The following FTCDNL1 variants were observed in gnomAD, a reference collection of about 807,000 sequenced individuals.
FTCDNL1 encodes formiminotransferase N-terminal subdomain-containing protein.
In FTCDNL1, 11 loss-of-function variants were observed where a neutral mutation model predicts 5.9. The observed-to-expected ratio is 1.87, with a 90% confidence interval of 1.18 to 3.10. The LOEUF (loss-of-function observed/expected upper bound fraction) is 3.10. Among genes scored for constraint, FTCDNL1 ranks in the 30% most tolerant of loss-of-function variants. FTCDNL1 has a pLI of 0.00. For synonymous variants in FTCDNL1, 58 were observed against 24.8 expected (o/e 2.34, Z -3.99); for missense variants, 115 against 65.5 (o/e 1.76, Z -2.61).
At chr2:199,703,225 T>G in the FTCDNL1 span, among the ~76,000 whole-genome samples, 4 of 150,846 alleles carry the variant, frequency 2.7e-5, no homozygotes, top group African/African-American at 9.8e-5. Flanking sequence ...CCCACAACAG[T>G]CCCCAGAGTG....
chr2:199,828,072 T>C (rs1349622588), intron 3 of FTCDNL1, among the ~76,000 whole-genome samples: 1 of 152,162 alleles, frequency 6.6e-6, no homozygotes, highest in Admixed American at 6.5e-5. Flanking sequence ...GGAAATAACA[T>C]TTGTGTTTCT....
chr2:199,806,884 T>C (rs569093202), downstream of FTCDNL1, among the ~76,000 whole-genome samples: 2 of 152,326 alleles, frequency 1.3e-5, no homozygotes, highest in African/African-American at 4.8e-5. Flanking sequence ...AAGGGGCTGA[T>C]AGAAAGTAAA....
chr2:199,686,065 G>A, the FTCDNL1 span, among the ~76,000 whole-genome samples: 1 of 152,164 alleles, frequency 6.6e-6, no homozygotes, highest in Non-Finnish European at 1.5e-5. Flanking sequence ...GGGCATGGAG[G>A]AATAGCTGGG....
chr2:199,804,407 G>A, downstream of FTCDNL1, among the ~76,000 whole-genome samples: 1 of 152,286 alleles, frequency 6.6e-6, no homozygotes, highest in East Asian at 1.9e-4. Flanking sequence ...ACTATTATAA[G>A]ATTCAAAAGA....
intron 3 of FTCDNL1, among the ~76,000 whole-genome samples, chr2:199,768,954 C>T (rs139985210): frequency 9.2e-5 from 14 of 152,246 alleles, no homozygotes; most frequent in South Asian, 8.3e-4. Flanking sequence ...GGGTGTTCTG[C>T]AAGCTCTTTC....
the FTCDNL1 span, among the ~76,000 whole-genome samples, chr2:199,723,375 T>G: frequency 1.2e-4 from 19 of 152,274 alleles, no homozygotes; most frequent in African/African-American, 4.6e-4. Flanking sequence ...TACCCTTTAT[T>G]TCTTTCTCTT....
chr2:199,823,794 T>G (rs1701845848), intron 3 of FTCDNL1, among the ~76,000 whole-genome samples: 1 of 152,182 alleles, frequency 6.6e-6, no homozygotes, highest in African/African-American at 2.4e-5. Flanking sequence ...TTCAGAATGG[T>G]AAATAAGCAT....
chr2:199,716,593 T>A, the FTCDNL1 span, among the ~76,000 whole-genome samples: 9 of 151,972 alleles, frequency 5.9e-5, no homozygotes, highest in Non-Finnish European at 1.2e-4. Flanking sequence ...CCTGCCCCAC[T>A]CCCCCACAAA....
chr2:199,673,360 A>T, the FTCDNL1 span, among the ~76,000 whole-genome samples: 1 of 151,156 alleles, frequency 6.6e-6, no homozygotes, highest in Admixed American at 6.6e-5. Context: ...AGTCACAAAG[A>T]ATAAAAGCTA....
the FTCDNL1 span, among the ~76,000 whole-genome samples, chr2:199,709,625 T>C: frequency 2.0e-5 from 3 of 151,990 alleles, no homozygotes. Context: ...GGTGATTAAA[T>C]GGTTTTAGAG....
At chr2:199,692,229 C>T in the FTCDNL1 span, among the ~76,000 whole-genome samples, 1 of 151,874 alleles carries the variant, frequency 6.6e-6, no homozygotes, top group Admixed American at 6.6e-5. Flanking sequence ...TCAATAGAAA[C>T]AAAAATCTAA....
chr2:199,683,577 C>T, the FTCDNL1 span, among the ~76,000 whole-genome samples: 18 of 151,276 alleles, frequency 1.2e-4, no homozygotes, highest in South Asian at 2.1e-4. Flanking sequence ...AAGTGGCCTA[C>T]GAGATCTCTG....
At chr2:199,782,562 C>T (rs1336672299) in intron 3 of FTCDNL1, among the ~76,000 whole-genome samples, 1 of 152,204 alleles carries the variant, frequency 6.6e-6, no homozygotes, top group Non-Finnish European at 1.5e-5. Flanking sequence ...GTTCTACTAA[C>T]TGGCAGTTAT....
the FTCDNL1 span, among the ~76,000 whole-genome samples, chr2:199,713,773 TAAC>T: frequency 1.3e-5 from 2 of 152,202 alleles, no homozygotes; most frequent in African/African-American, 2.4e-5. Context: ...ATCTAAATAG[TAAC>T]AATAATCTGA....
intron 3 of FTCDNL1, among the ~76,000 whole-genome samples, chr2:199,775,946 C>T (rs1699041749): frequency 6.9e-6 from 1 of 144,650 alleles, no homozygotes; most frequent in African/African-American, 2.6e-5. Flanking sequence ...CGGAGTCTCG[C>T]TCTGTTGCCC....
chr2:199,670,873 C>T, the FTCDNL1 span, among the ~76,000 whole-genome samples: 1,525 of 152,202 alleles, frequency 0.01, 32 homozygotes, highest in African/African-American at 0.035. Context: ...GGGCCCAGTC[C>T]CCTCTTCTTC....
chr2:199,756,937 G>C (rs1289989789), downstream of FTCDNL1, among the ~76,000 whole-genome samples: 1 of 152,158 alleles, frequency 6.6e-6, no homozygotes, highest in Non-Finnish European at 1.5e-5. Flanking sequence ...CTGCATGAAA[G>C]TCACACACAT....
In FTCDNL1 at chr2:199,810,239, CCT is replaced by C. The variant is rs1262232436; in HGVS notation, c.*2464_*2465del. 6.6e-6 allele frequency among the ~76,000 whole-genome samples: 1 copy of C among 152,098 alleles called. No homozygotes were observed. The highest frequency in any genetic ancestry group is 2.4e-5 in the African/African-American group (1 of 41,418). On this transcript the variant is annotated 3_prime_UTR_variant, in exon 5 of 5. Transcript: ENST00000420128. ...AATCACACCTCTGTACCCACCACTC[CCT>C]CTCTCCGAAACAAACTCCTGTCATT... is the stretch of plus-strand genomic sequence containing the variant.
chr2:199,846,130 G>A lies in FTCDNL1; in HGVS notation c.156C>T (p.Ser52=), dbSNP rs191711228. Residue 52 remains serine, a synonymous_variant, in exon 3 of 5, where the codon TCC becomes TCT. Transcript: ENST00000420128. The stretch of plus-strand genomic sequence containing the variant: ...TGACTGATCTCTTGTAGTCTTGATC[G>A]GAAAATATATTGAGCACTGAAACTT... ...HPQVSVLNIF[S]DQDYKRSVIT... is the part of the protein sequence containing the mutation. The A allele has an allele frequency of 2.1e-4, 146 of 699,434 alleles. No individual in the cohort carries two copies. Among genetic ancestry groups the A allele is most frequent in the African/African-American group, 2.0e-3 (116 of 57,218 alleles). 43.3% of individuals were successfully genotyped at this position (699,434 alleles called of 1,614,324 possible). A position where few individuals can be genotyped will look rare whatever the true frequency, so the allele number is the denominator to read the frequency against.
Sources: gnomAD v4.1 joint callset for allele counts (sites outside exome capture counted in the v4.1 genomes callset) on GRCh38, gnomAD v4.1.1 for gene constraint, MANE v1.5 for transcripts, NCBI Gene and HGNC (gene_info 2026-07-23, HGNC 2026-07-21) for gene names.